The following PKP4 variants were observed in gnomAD, a reference collection of about 807,000 sequenced individuals.
The protein encoded by PKP4 is plakophilin-4.
PKP4 carries 90 observed loss-of-function variants against 145.1 expected under a neutral mutation model. The observed-to-expected ratio is 0.62, with a 90% CI of 0.52 to 0.74. PKP4 has a LOEUF of 0.74. Among genes scored for constraint, PKP4 ranks in the 30% least tolerant of loss-of-function variants. PKP4 has a pLI of 0.00. For missense variants in PKP4, 1,340 were observed against 1,482.7 expected (o/e 0.90, Z 1.58); for synonymous variants, 563 against 577.2 (o/e 0.98, Z 0.35).
In PKP4 at chr2:158,676,747, A is replaced by T; in HGVS notation, c.3136A>T (p.Thr1046Ser). 6.2e-7 allele frequency: 1 copy of T among 1,613,954 alleles called. No homozygotes were observed. The highest frequency in any genetic ancestry group is 8.5e-7 in the Non-Finnish European group (1 of 1,179,984). ...TTTGCCTCTCCCTTCAGTCGGCAGC[A>T]CCTCTTCCTCACCAGCACTGTTAGG... is the stretch of plus-strand genomic sequence containing the variant. ...MSPIIQSVGS[T>S]SSSPALLGIR... The change falls in exon 20 of 22, where the codon ACC becomes TCC. Residue 1046 changes from threonine to serine, a missense_variant. By Grantham distance (58) the Thr-to-Ser change is moderately conservative. Coordinates refer to ENST00000389759, the MANE Select transcript of PKP4 (RefSeq NM_003628.6).
chr2:158,535,787 A>G (rs2043987994), intron 2 of PKP4, among the ~76,000 whole-genome samples: 2 of 152,138 alleles, frequency 1.3e-5, no homozygotes, highest in South Asian at 4.1e-4. Context: ...GTGATCTCAA[A>G]TAACAGAACT....
At chr2:158,465,483 A>G (rs1020260480) in intron 1 of PKP4, among the ~76,000 whole-genome samples, 3 of 152,218 alleles carry the variant, frequency 2.0e-5, no homozygotes, top group Admixed American at 6.5e-5. Context: ...ATGAGAAACC[A>G]TAATTTATGC....
intron 3 of PKP4, among the ~76,000 whole-genome samples, chr2:158,601,997 AAATACCATGAATATAT>A (rs955231586): frequency 6.6e-6 from 1 of 152,220 alleles, no homozygotes; most frequent in African/African-American, 2.4e-5. Context: ...GCACTCAAAA[AAATACCATGAATATAT>A]GTCCTTTTTC....
intron 7 of PKP4, among the ~76,000 whole-genome samples, chr2:158,626,378 AT>A (rs1248534296): frequency 6.6e-6 from 1 of 152,120 alleles, no homozygotes; most frequent in Non-Finnish European, 1.5e-5. Flanking sequence ...CATGGGACCC[AT>A]TTTTTATAGA....
chr2:158,543,048 TTTGG>T (rs1259722761), intron 2 of PKP4, among the ~76,000 whole-genome samples: 1 of 152,206 alleles, frequency 6.6e-6, no homozygotes, highest in Non-Finnish European at 1.5e-5. Context: ...TTCAGGTTAT[TTTGG>T]TCACTGAACA....
At chr2:158,649,568 C>T (rs183105904) in intron 11 of PKP4, among the ~76,000 whole-genome samples, 8 of 152,236 alleles carry the variant, frequency 5.3e-5, no homozygotes, top group East Asian at 1.9e-4. Flanking sequence ...TTAGGTCTTG[C>T]GTCTATTTCA....
intron 11 of PKP4, among the ~76,000 whole-genome samples, chr2:158,649,017 A>C (rs2055096523): frequency 6.6e-6 from 1 of 152,216 alleles, no homozygotes; most frequent in African/African-American, 2.4e-5. Context: ...AAACAATCAC[A>C]ACAGAAACAT....
In PKP4 at chr2:158,630,785, G is replaced by T. The variant is rs1044440834; in HGVS notation, c.1154-968G>T. Among the ~76,000 whole-genome samples the T allele has an allele frequency of 2.0e-5, 3 of 152,174 alleles. No individual in the cohort carries two copies. The East Asian group carries it at 5.8e-4, about 29-fold the overall frequency. On this transcript the variant is annotated intron_variant, in intron 7 of 21. Transcript: ENST00000389759. The stretch of plus-strand genomic sequence containing the variant: ...CATATAAAGCTTTTAAAGTGAAAAT[G>T]ATATAATAATAAGTCATTCTCTGTT...
intron 1 of PKP4, among the ~76,000 whole-genome samples, chr2:158,496,758 CCG>C (rs1491284708): frequency 1.1e-5 from 1 of 87,288 alleles, no homozygotes; most frequent in Non-Finnish European, 2.4e-5. Flanking sequence ...CCTTCTCTCT[CCG>C]TGTGTGTGTG....
intron 1 of PKP4, among the ~76,000 whole-genome samples, chr2:158,480,331 G>A (rs1219629720): frequency 6.6e-6 from 1 of 152,092 alleles, no homozygotes; most frequent in Non-Finnish European, 1.5e-5. Flanking sequence ...CTGCCTCCTG[G>A]GTTCAAGTGA....
rs114628272 is a variant in PKP4, at chr2:158,469,887, C to A, written c.-6+12669C>A. ...TTCCTGAAGGTTTTTCTGTGATTACCTGTTATGTCCTTCTCTGCCTGGTGA... is the reference window on the plus strand; with the variant it reads ...TTCCTGAAGGTTTTTCTGTGATTACATGTTATGTCCTTCTCTGCCTGGTGA... On this transcript the variant is annotated intron_variant, in intron 1 of 21. Transcript: ENST00000389759. Among the ~76,000 whole-genome samples the A allele has an allele frequency of 7.2e-3, 1,095 of 152,246 alleles. 14 individuals are homozygous for A. The highest frequency in any genetic ancestry group is 0.025 in the African/African-American group (1,043 of 41,550).
chr2:158,666,607 A>T, intron 16 of PKP4, 44 bp downstream of exon 16: 1 of 1,519,286 alleles, frequency 6.6e-7, no homozygotes, highest in Non-Finnish European at 8.9e-7. Context: ...GAGAGCAGCT[A>T]CAAAATTCAT....
intron 4 of PKP4, among the ~76,000 whole-genome samples, chr2:158,613,129 T>G (rs1029766469): frequency 3.3e-5 from 5 of 152,150 alleles, no homozygotes; most frequent in Admixed American, 2.0e-4. Context: ...CGCCCAGGCA[T>G]CACCCCCACA....
chr2:158,679,439 T>A (rs903033611), intron 21 of PKP4: 14 of 152,230 alleles, frequency 9.2e-5, no homozygotes, highest in Non-Finnish European at 2.1e-4. Flanking sequence ...ATTTATGCTA[T>A]GGTTTTTTAG....
intron 3 of PKP4, among the ~76,000 whole-genome samples, chr2:158,584,274 C>T (rs572230868): frequency 3.9e-5 from 6 of 152,308 alleles, no homozygotes; most frequent in East Asian, 1.9e-4. Context: ...CAGCCAAGCA[C>T]GTACACCAAA....
intron 4 of PKP4, among the ~76,000 whole-genome samples, chr2:158,610,471 T>G (rs1049439476): frequency 2.0e-5 from 3 of 152,212 alleles, no homozygotes; most frequent in African/African-American, 7.2e-5. Flanking sequence ...TAATTCTTCA[T>G]GAGCGAAAAT....
chr2:158,505,124 G>A lies in PKP4; in HGVS notation c.-5-28056G>A, dbSNP rs79902394. Among the ~76,000 whole-genome samples the A allele has an allele frequency of 7.2e-3, 1,104 of 152,298 alleles. 14 individuals carry two copies. Among genetic ancestry groups the A allele is most frequent in the African/African-American group, 0.025 (1,052 of 41,554 alleles). ...CTCCTGCTTACTTCATGAGGATGTT[G>A]TAAGAGTTGATTTAATAACTATTTT... On this transcript the variant is annotated intron_variant, in intron 1 of 21. Coordinates refer to ENST00000389759, the MANE Select transcript of PKP4 (RefSeq NM_003628.6).
chr2:158,633,919 C>T, intron 8 of PKP4, 151 bp from the exon 9 acceptor site: 1 of 555,766 alleles, frequency 1.8e-6, no homozygotes, highest in Non-Finnish European at 3.2e-6. Context: ...CCCTTTTTAG[C>T]ACTAATAAGG....
chr2:158,567,506 G>A (rs1409054286), intron 2 of PKP4, among the ~76,000 whole-genome samples: 1 of 152,192 alleles, frequency 6.6e-6, no homozygotes, highest in Non-Finnish European at 1.5e-5. Context: ...ATGGGGTTAG[G>A]ACAGATTGAG....
Sources: allele counts gnomAD v4.1 joint callset (sites outside exome capture counted in the v4.1 genomes callset), GRCh38; gene constraint gnomAD v4.1.1; transcripts MANE v1.5; gene names NCBI Gene and HGNC (gene_info 2026-07-23, HGNC 2026-07-21).